CTPS2: variants seen among roughly 807,000 people sequenced by gnomAD.
CTPS2 encodes CTP synthase II.
A neutral mutation model predicts 46.8 loss-of-function variants in CTPS2; 19 were observed. The ratio of observed to expected loss-of-function variants is 0.41; its 90% CI spans 0.28 to 0.60. The LOEUF (loss-of-function observed/expected upper bound fraction) is 0.60, where lower values mean the gene tolerates loss of function less well. CTPS2 is among the 20% of genes least tolerant of loss of function. The pLI is 0.35. For synonymous variants in CTPS2, 151 were observed against 165.2 expected (o/e 0.91, Z 0.66); for missense variants, 286 against 447.6 (o/e 0.64, Z 3.26).
At chrX:16,710,083 C>T (rs1307361732) in intron 1 of CTPS2, among the ~76,000 whole-genome samples, 1 of 109,863 alleles carries the variant, frequency 9.1e-6, no homozygotes, top group African/African-American at 3.3e-5. Context: ...CCTTTTCCCC[C>T]CAAAGCCAGC....
chrX:16,699,590 C>A (rs768527411), intron 2 of CTPS2, among the ~76,000 whole-genome samples: 3 of 112,675 alleles, frequency 2.7e-5, no homozygotes, highest in African/African-American at 9.6e-5. Flanking sequence ...GTGCACAATG[C>A]ACTGTCATAA....
At chrX:16,616,176 G>A (rs767211755) in intron 16 of CTPS2, among the ~76,000 whole-genome samples, 1 of 112,120 alleles carries the variant, frequency 8.9e-6, no homozygotes, top group Admixed American at 9.5e-5. Context: ...TCCTTGCAAA[G>A]CTGACTGAGA....
intron 13 of CTPS2, among the ~76,000 whole-genome samples, chrX:16,657,028 C>T (rs1932836844): frequency 9.1e-6 from 1 of 109,823 alleles, no homozygotes; most frequent in African/African-American, 3.3e-5. Flanking sequence ...GGACTACAGG[C>T]ATGTGCCACC....
intron 17 of CTPS2, among the ~76,000 whole-genome samples, chrX:16,601,741 T>C (rs1929680877): frequency 9.3e-6 from 1 of 107,126 alleles, no homozygotes; most frequent in African/African-American, 3.3e-5. Flanking sequence ...AGCATCATCA[T>C]AATAATTCCC....
intron 1 of CTPS2, among the ~76,000 whole-genome samples, chrX:16,709,090 C>A (rs1343377946): frequency 9.2e-6 from 1 of 108,815 alleles, no homozygotes; most frequent in African/African-American, 3.4e-5. Context: ...GCCTGGGGGA[C>A]AAGAGCGAGA....
intron 1 of CTPS2, among the ~76,000 whole-genome samples, chrX:16,704,777 G>A (rs952736278): frequency 4.5e-5 from 5 of 110,218 alleles, no homozygotes; most frequent in East Asian, 2.8e-4. Context: ...GAGAAACCCC[G>A]TCTCTACTAA....
chrX:16,690,406 C>CA, intron 7 of CTPS2, among the ~76,000 whole-genome samples: 1 of 111,140 alleles, frequency 9.0e-6, no homozygotes, highest in South Asian at 3.7e-4. Context: ...AACAAAATGG[C>CA]ATGACAACAT....
At chrX:16,617,674 A>G (rs1422528644) in intron 15 of CTPS2, among the ~76,000 whole-genome samples, 1 of 112,315 alleles carries the variant, frequency 8.9e-6, no homozygotes, top group Non-Finnish European at 1.9e-5. Context: ...GCAGTTACAT[A>G]AAAGCTCTAA....
chrX:16,652,855 A>T (rs1194420833), intron 13 of CTPS2, among the ~76,000 whole-genome samples: 1 of 111,824 alleles, frequency 8.9e-6, no homozygotes, highest in Non-Finnish European at 1.9e-5. Context: ...ATGGTTTAGA[A>T]TCTAGTAAAG....
intron 10 of CTPS2, among the ~76,000 whole-genome samples, chrX:16,673,108 G>A (rs1198759032): frequency 8.3e-5 from 9 of 107,917 alleles, no homozygotes; most frequent in African/African-American, 1.7e-4. Flanking sequence ...GGATGGTCTC[G>A]ATCTCCTGAC....
intron 17 of CTPS2, among the ~76,000 whole-genome samples, chrX:16,603,524 C>A (rs1309756268): frequency 9.0e-6 from 1 of 111,094 alleles, no homozygotes; most frequent in East Asian, 2.8e-4. Flanking sequence ...ATCACTCTTT[C>A]ATCTTTTCTG....
chrX:16,678,712 T>C (rs986683988), intron 9 of CTPS2, among the ~76,000 whole-genome samples: 1 of 110,026 alleles, frequency 9.1e-6, no homozygotes, highest in Non-Finnish European at 1.9e-5. Flanking sequence ...CAGAAGTAAC[T>C]TGGGGTCAAC....
chrX:16,644,974 TCA>T (rs1932243831), intron 13 of CTPS2, among the ~76,000 whole-genome samples: 1 of 111,795 alleles, frequency 8.9e-6, no homozygotes, highest in Non-Finnish European at 1.9e-5. Context: ...ATGGAATCTC[TCA>T]GTGTTTTTTG....
intron 14 of CTPS2, among the ~76,000 whole-genome samples, chrX:16,634,818 G>A (rs895835210): frequency 9.0e-5 from 10 of 110,569 alleles, no homozygotes; most frequent in Non-Finnish European, 1.5e-4. Context: ...GCATAGTAGC[G>A]CATGCCTGTA....
intron 1 of CTPS2, among the ~76,000 whole-genome samples, chrX:16,707,793 C>T (rs894369705): frequency 1.8e-5 from 2 of 111,296 alleles, no homozygotes; most frequent in African/African-American, 6.5e-5. Context: ...GTCAGCGTGG[C>T]GAAACAATGT....
chrX:16,593,292 G>C (rs771971375), intron 17 of CTPS2, among the ~76,000 whole-genome samples: 1 of 109,635 alleles, frequency 9.1e-6, no homozygotes, highest in East Asian at 2.9e-4. Flanking sequence ...AGCCGGGTGT[G>C]GTGGCGGGCG....
chrX:16,602,049 T>C (rs746027976), intron 17 of CTPS2, among the ~76,000 whole-genome samples: 1 of 111,247 alleles, frequency 9.0e-6, no homozygotes, highest in South Asian at 3.8e-4. Flanking sequence ...CTATGAGCAA[T>C]GGGGATGAGG....
At chrX:16,704,082 G>C (rs1457943758) in intron 1 of CTPS2, among the ~76,000 whole-genome samples, 2 of 110,152 alleles carry the variant, frequency 1.8e-5, no homozygotes, top group Admixed American at 2.0e-4. Flanking sequence ...GGGATTACGG[G>C]CATGCACCAC....
At chrX:16,710,600 C>T (rs1925394885) in intron 1 of CTPS2, among the ~76,000 whole-genome samples, 1 of 111,344 alleles carries the variant, frequency 9.0e-6, no homozygotes, top group African/African-American at 3.3e-5. Context: ...CAAGGGGACA[C>T]CTAATTCTTC....
Sources: allele counts gnomAD v4.1 joint callset (sites outside exome capture counted in the v4.1 genomes callset), GRCh38; gene constraint gnomAD v4.1.1; transcripts MANE v1.5; gene names NCBI Gene and HGNC (gene_info 2026-07-23, HGNC 2026-07-21).